CTCF: variants seen among roughly 807,000 people sequenced by gnomAD.
CTCF encodes the protein transcriptional repressor CTCF.
A neutral mutation model predicts 72.3 loss-of-function variants in CTCF; 7 were observed. The ratio of observed to expected loss-of-function variants is 0.10; its 90% CI spans 0.06 to 0.18. The LOEUF is 0.18. Among genes scored for constraint, CTCF ranks in the 10% least tolerant of loss-of-function variants. The pLI, the probability that CTCF is intolerant of heterozygous loss-of-function variation, is 1.00. For synonymous variants in CTCF, 374 were observed against 315.8 expected, an observed-to-expected ratio of 1.18 and a Z score of -1.95; for missense variants, 516 against 949.1, an observed-to-expected ratio of 0.54 and a Z score of 6.00.
At chr16:67,613,382 C>T (rs1043715100) in intron 4 of CTCF, among the ~76,000 whole-genome samples, 2 of 152,228 alleles carry the variant, frequency 1.3e-5, no homozygotes, top group African/African-American at 4.8e-5. Flanking sequence ...GTATGCTGCA[C>T]ATGGGCACAT....
intron 10 of CTCF, 29 bp from the exon 11 acceptor site, chr16:67,636,661 C>T: frequency 6.4e-7 from 1 of 1,561,368 alleles, no homozygotes; most frequent in Non-Finnish European, 8.7e-7. Flanking sequence ...CCTTGCCCCA[C>T]CACCTGTGCT....
rs746175987 is a variant in CTCF, at chr16:67,611,096, T to G, written c.264T>G (p.Ala88=). The G allele has an allele frequency of 4.3e-6, 7 of 1,614,048 alleles. No homozygotes were observed. The highest frequency in any genetic ancestry group is 5.9e-6 in the Non-Finnish European group (7 of 1,180,040). ...GCACAGTGGCTCCAGAAGCAGAGGC[T>G]GCTGTGGACGATACCCAGATTATAA... ...MEGTVAPEAE[A]AVDDTQIITL... Residue 88 remains alanine (A), a synonymous_variant, in exon 3 of 12, where the codon GCT becomes GCG. Coordinates refer to ENST00000264010, the MANE Select transcript of CTCF (RefSeq NM_006565.4).
At chr16:67,617,718 A>G (rs1041536256) in intron 5 of CTCF, among the ~76,000 whole-genome samples, 16 of 152,178 alleles carry the variant, frequency 1.1e-4, no homozygotes, top group African/African-American at 3.9e-4. Flanking sequence ...TAATACAGGC[A>G]AATTCTGTCA....
intron 7 of CTCF, among the ~76,000 whole-genome samples, chr16:67,622,531 C>T (rs1333944681): frequency 6.6e-6 from 1 of 152,074 alleles, no homozygotes; most frequent in Non-Finnish European, 1.5e-5. Context: ...CTCACTGCTC[C>T]TAGCTGTTCC....
rs894663818 is a variant in CTCF at position 67,591,834 on chromosome 16, G to A, written c.-9-18990G>A. On this transcript the variant is annotated intron_variant, in intron 2 of 11. Coordinates refer to ENST00000264010, the MANE Select transcript of CTCF (RefSeq NM_006565.4). ...CAGGCGATCCTCCCGCCTCAGTCCC[G>A]AGTAGCTGGGACTACAGATGGATGC... Among the ~76,000 whole-genome samples, 3 of 151,896 alleles carry A rather than the reference G, an allele frequency of 2.0e-5. No homozygotes were observed. In the South Asian group the frequency reaches 6.2e-4, roughly 32 times the overall value.
chr16:67,597,573 A>C (rs886931713), intron 2 of CTCF, among the ~76,000 whole-genome samples: 2 of 151,908 alleles, frequency 1.3e-5, no homozygotes, highest in Non-Finnish European at 2.9e-5. Flanking sequence ...TCCTGACCTT[A>C]TTATCCACCC....
At chr16:67,624,604 T>G (rs1021207681) in intron 7 of CTCF, among the ~76,000 whole-genome samples, 49 of 152,120 alleles carry the variant, frequency 3.2e-4, no homozygotes, top group African/African-American at 1.2e-3. Flanking sequence ...TTGTTTTTGT[T>G]TTTTACTGGA....
chr16:67,565,259 C>T (rs2051327866), intron 1 of CTCF, among the ~76,000 whole-genome samples: 1 of 152,142 alleles, frequency 6.6e-6, no homozygotes, highest in Non-Finnish European at 1.5e-5. Flanking sequence ...GCCTCAGCCT[C>T]CCAGAGTGCT....
chr16:67,618,101 CTTCTT>C (rs1305185768), intron 5 of CTCF, among the ~76,000 whole-genome samples: 1 of 152,014 alleles, frequency 6.6e-6, no homozygotes, highest in Non-Finnish European at 1.5e-5. Flanking sequence ...TAGGAGAAAA[CTTCTT>C]TAATATAATG....
intron 2 of CTCF, among the ~76,000 whole-genome samples, chr16:67,571,839 A>G (rs2051425329): frequency 6.6e-6 from 1 of 152,168 alleles, no homozygotes; most frequent in Non-Finnish European, 1.5e-5. Flanking sequence ...TTTAGCCTGT[A>G]ATTTTTGCTA....
intron 10 of CTCF, 126 bp from the exon 11 acceptor site, chr16:67,636,564 A>C (rs1015558709): frequency 6.7e-6 from 2 of 299,506 alleles, no homozygotes; most frequent in Non-Finnish European, 1.0e-5. Context: ...AAAAAGAAAG[A>C]AAGTGTATAT....
intron 1 of CTCF, among the ~76,000 whole-genome samples, chr16:67,567,239 A>G (rs2051355148): frequency 6.6e-6 from 1 of 152,142 alleles, no homozygotes. Flanking sequence ...TTTGAATGCA[A>G]AGTTGTGGCA....
At chr16:67,571,856 A>G (rs2051425562) in intron 2 of CTCF, among the ~76,000 whole-genome samples, 3 of 152,206 alleles carry the variant, frequency 2.0e-5, no homozygotes, top group Middle Eastern at 3.2e-3. Context: ...GCTATAAAAT[A>G]TAATGGACAT....
At chr16:67,617,003 C>T (rs2052139935) in intron 5 of CTCF, 125 bp downstream of exon 5, 4 of 924,924 alleles carry the variant, frequency 4.3e-6, no homozygotes, top group South Asian at 3.1e-5. Context: ...ATTATTAACA[C>T]TCCCACACAA....
At chr16:67,623,306 C>T (rs1222059490) in intron 7 of CTCF, 1 of 151,996 alleles carries the variant, frequency 6.6e-6, no homozygotes, top group Non-Finnish European at 1.5e-5. Flanking sequence ...TTTTCTCTCC[C>T]CTCTTGGTCT....
intron 2 of CTCF, among the ~76,000 whole-genome samples, chr16:67,581,118 C>T (rs773405782): frequency 1.3e-5 from 2 of 151,110 alleles, no homozygotes; most frequent in Non-Finnish European, 2.9e-5. Context: ...TTAGTAGAGA[C>T]GGGGTTTCAC....
chr16:67,582,932 A>G (rs1355333478), intron 2 of CTCF, among the ~76,000 whole-genome samples: 6 of 150,554 alleles, frequency 4.0e-5, no homozygotes, highest in Non-Finnish European at 8.9e-5. Flanking sequence ...TACTCTACAC[A>G]TTTTTCACAC....
intron 2 of CTCF, among the ~76,000 whole-genome samples, chr16:67,592,011 C>G (rs1315950757): frequency 1.3e-5 from 2 of 152,072 alleles, no homozygotes; most frequent in Non-Finnish European, 2.9e-5. Flanking sequence ...CTGTGCCCGA[C>G]CTGATGACTT....
Position 67,592,327 on chromosome 16 carries a change from G to T in CTCF, c.-9-18497G>T, listed in dbSNP as rs190722476. On this transcript the variant is annotated intron_variant, in intron 2 of 11. Coordinates refer to ENST00000264010, the MANE Select transcript of CTCF (RefSeq NM_006565.4). The stretch of plus-strand genomic sequence containing the variant: ...CTCAGGAGGCTGAGGCAGGAGAATT[G>T]CTTGAACCCTGGAGGCAGAGGTTGC... 4.7e-3 allele frequency among the ~76,000 whole-genome samples: 709 copies of T among 152,020 alleles called. 1 individual carries two copies. The highest frequency in any genetic ancestry group is 0.017 in the African/African-American group (686 of 41,462).
Sources: gnomAD v4.1 joint callset for allele counts (sites outside exome capture counted in the v4.1 genomes callset) on GRCh38, gnomAD v4.1.1 for gene constraint, MANE v1.5 for transcripts, NCBI Gene and HGNC (gene_info 2026-07-23, HGNC 2026-07-21) for gene names.